The following USH2A variants were observed in gnomAD, a reference collection of about 807,000 sequenced individuals.
USH2A encodes the protein usherin.
In USH2A, 443 loss-of-function variants were observed where a neutral mutation model predicts 538.9. The observed-to-expected ratio is 0.82, with a 90% CI of 0.76 to 0.89. The LOEUF is 0.89. Ranked by LOEUF, USH2A falls within the 40% of genes least tolerant of loss-of-function variation. The probability of loss-of-function intolerance (pLI) is 0.00; values close to 1 mark genes in which losing one functional copy is unlikely to be tolerated. For synonymous variants in USH2A, 2,413 were observed against 2,273.5 expected (o/e 1.06, Z -1.75); for missense variants, 6,633 against 6,324.8 (o/e 1.05, Z -1.65).
At chr1:216,181,188 T>A (rs1463681334) in intron 20 of USH2A, among the ~76,000 whole-genome samples, 1 of 152,182 alleles carries the variant, frequency 6.6e-6, no homozygotes, top group Non-Finnish European at 1.5e-5. Flanking sequence ...AAGACCCTGA[T>A]TATGGAACAT....
chr1:215,896,674 A>G (rs1665351607), intron 40 of USH2A, among the ~76,000 whole-genome samples: 1 of 152,060 alleles, frequency 6.6e-6, no homozygotes, highest in Non-Finnish European at 1.5e-5. Context: ...AGAAGGAACA[A>G]TCATATAATC....
chr1:216,250,675 A>G (rs1296452613), intron 12 of USH2A, among the ~76,000 whole-genome samples: 1 of 152,196 alleles, frequency 6.6e-6, no homozygotes, highest in African/African-American at 2.4e-5. Flanking sequence ...TAATGCATCT[A>G]CAGAATAAAG....
intron 70 of USH2A, among the ~76,000 whole-genome samples, chr1:215,634,007 A>G (rs1656395249): frequency 6.6e-6 from 1 of 152,004 alleles, no homozygotes; most frequent in South Asian, 2.1e-4. Flanking sequence ...CTTCCTCCCC[A>G]TCTCCGCCTT....
At chr1:216,054,208 C>T (rs1275669715) in intron 30 of USH2A, among the ~76,000 whole-genome samples, 1 of 152,196 alleles carries the variant, frequency 6.6e-6, no homozygotes, top group African/African-American at 2.4e-5. Flanking sequence ...ATTTCTCTCA[C>T]TATAGGAGAG....
intron 9 of USH2A, among the ~76,000 whole-genome samples, chr1:216,308,075 G>A (rs898514459): frequency 1.3e-5 from 2 of 152,150 alleles, no homozygotes; most frequent in African/African-American, 2.4e-5. Context: ...CCGAGGGGGA[G>A]CTGCAAGTTA....
At chr1:215,837,140 C>T (rs554259815) in intron 47 of USH2A, among the ~76,000 whole-genome samples, 23 of 152,138 alleles carry the variant, frequency 1.5e-4, no homozygotes, top group African/African-American at 5.5e-4. Flanking sequence ...CCATTGGTTG[C>T]CAAAACCAGT....
intron 21 of USH2A, among the ~76,000 whole-genome samples, chr1:216,161,536 A>G (rs781663114): frequency 6.6e-6 from 1 of 152,058 alleles, no homozygotes; most frequent in Non-Finnish European, 1.5e-5. Context: ...CATGTTATCA[A>G]CTTCAAAGTA....
chr1:216,407,563 A>G (rs1264153506), intron 3 of USH2A, among the ~76,000 whole-genome samples: 1 of 152,164 alleles, frequency 6.6e-6, no homozygotes, highest in Non-Finnish European at 1.5e-5. Flanking sequence ...AACAGTAAGG[A>G]AAAATAAAAC....
intron 57 of USH2A, 45 bp downstream of exon 57, chr1:215,759,615 G>C (rs17025373): frequency 6.2e-7 from 1 of 1,607,922 alleles, no homozygotes; most frequent in Admixed American, 1.7e-5. Flanking sequence ...CCAGAGAAAT[G>C]TACAAATCCT....
At chr1:216,286,710 C>T (rs773367193) in intron 11 of USH2A, among the ~76,000 whole-genome samples, 7 of 151,760 alleles carry the variant, frequency 4.6e-5, no homozygotes, top group South Asian at 2.1e-4. Flanking sequence ...GGTGACAGAG[C>T]GAGACTCTGT....
In USH2A at chr1:216,175,449, C is replaced by A; in HGVS notation, c.4430G>T (p.Gly1477Val). 1 of 1,613,754 alleles carries A rather than the reference C, an allele frequency of 6.2e-7. No homozygotes were observed. Among genetic ancestry groups the A allele is most frequent in the South Asian group, 1.1e-5 (1 of 91,060 alleles). ...PAQLRPPLVK[G>V]INSTTIHLRW... The stretch of plus-strand genomic sequence containing the variant: ...AAGATGGATTGTTGTGCTGTTGATT[C>A]CTTTAACCAGAGGTGGCCTCAGTTG... Residue 1477 changes from glycine to valine, a missense_variant, in exon 21 of 72, where the codon GGA becomes GTA. Transcript: ENST00000307340.
At chr1:215,874,274 A>T (rs1237331131) in intron 43 of USH2A, among the ~76,000 whole-genome samples, 2 of 152,182 alleles carry the variant, frequency 1.3e-5, no homozygotes, top group Non-Finnish European at 2.9e-5. Flanking sequence ...ATTAAGGAAG[A>T]AAAGTTAGAA....
intron 15 of USH2A, among the ~76,000 whole-genome samples, chr1:216,211,017 G>T (rs1217042697): frequency 6.7e-6 from 1 of 149,304 alleles, no homozygotes; most frequent in Non-Finnish European, 1.5e-5. Flanking sequence ...GTGGTGGGGG[G>T]TGGTGGGGGT....
chr1:215,699,099 T>C (rs1414840458), intron 61 of USH2A, among the ~76,000 whole-genome samples: 2 of 152,234 alleles, frequency 1.3e-5, no homozygotes, highest in East Asian at 3.8e-4. Context: ...TGCTTGTTTT[T>C]GTCAGGTTTG....
chr1:216,394,720 C>CTT (rs780581599), intron 3 of USH2A, among the ~76,000 whole-genome samples: 3 of 120,324 alleles, frequency 2.5e-5, no homozygotes, highest in Non-Finnish European at 3.4e-5. Context: ...CTGGTCCAGT[C>CTT]TTTTTTTTTT....
intron 21 of USH2A, chr1:216,174,748 A>G (rs1437988139): frequency 2.0e-6 from 2 of 995,792 alleles, no homozygotes; most frequent in Admixed American, 5.5e-5. Context: ...GTCACAGTGA[A>G]AAAAAGAAGA....
At chr1:216,318,093 T>G (rs2037541866) in intron 9 of USH2A, among the ~76,000 whole-genome samples, 1 of 152,198 alleles carries the variant, frequency 6.6e-6, no homozygotes, top group Non-Finnish European at 1.5e-5. Flanking sequence ...TCATTTTTGT[T>G]TCTACTAAAA....
intron 27 of USH2A, among the ~76,000 whole-genome samples, chr1:216,075,268 A>G (rs1272213669): frequency 1.3e-5 from 2 of 152,196 alleles, no homozygotes; most frequent in African/African-American, 2.4e-5. Context: ...GCTCTAGTGC[A>G]GGGTCCTTCC....
intron 50 of USH2A, among the ~76,000 whole-genome samples, chr1:215,798,678 AC>A (rs1198219423): frequency 6.6e-6 from 1 of 152,146 alleles, no homozygotes; most frequent in African/African-American, 2.4e-5. Context: ...GGAGGACATG[AC>A]CTTTTCAAGA....
Sources: gnomAD v4.1 joint callset for allele counts (sites outside exome capture counted in the v4.1 genomes callset) on GRCh38, gnomAD v4.1.1 for gene constraint, MANE v1.5 for transcripts, NCBI Gene and HGNC (gene_info 2026-07-23, HGNC 2026-07-21) for gene names.